SNX3: variants seen among roughly 807,000 people sequenced by gnomAD.
The protein encoded by SNX3 is sorting nexin 3, also known as sorting nexin-3.
A neutral mutation model predicts 17.7 loss-of-function variants in SNX3; 5 were observed. The observed-to-expected ratio is 0.28, with a 90% CI of 0.15 to 0.59. The LOEUF (loss-of-function observed/expected upper bound fraction) is 0.59. SNX3 is among the 20% of genes least tolerant of loss of function. The probability of loss-of-function intolerance (pLI) is 0.88; values close to 1 mark genes in which losing one functional copy is unlikely to be tolerated. For missense variants in SNX3, 132 were observed against 206.8 expected (o/e 0.64, Z 2.22); for synonymous variants, 91 against 76.5 (o/e 1.19, Z -0.99).
chr6:108,258,520 T>C (rs1194423118), intron 1 of SNX3, among the ~76,000 whole-genome samples: 2 of 152,000 alleles, frequency 1.3e-5, no homozygotes, highest in African/African-American at 4.8e-5. Flanking sequence ...CTTTTTTCTC[T>C]CTCTCCTGAG....
At chr6:108,246,683 A>G (rs900868328) in intron 1 of SNX3, among the ~76,000 whole-genome samples, 2 of 151,814 alleles carry the variant, frequency 1.3e-5, no homozygotes, top group Non-Finnish European at 2.9e-5. Context: ...GCCTGGGAAC[A>G]TAAATTCAGT....
At chr6:108,258,153 T>A (rs961575192) in intron 1 of SNX3, among the ~76,000 whole-genome samples, 12 of 151,824 alleles carry the variant, frequency 7.9e-5, no homozygotes, top group African/African-American at 2.9e-4. Flanking sequence ...GACTCATTAA[T>A]CGTTCTTAAA....
At chr6:108,259,222 C>T (rs1325847638) in intron 1 of SNX3, among the ~76,000 whole-genome samples, 1 of 152,066 alleles carries the variant, frequency 6.6e-6, no homozygotes. Context: ...ACAACATATC[C>T]TATGATTCAA....
At chr6:108,259,730 G>C (rs1017467397) in intron 1 of SNX3, among the ~76,000 whole-genome samples, 4 of 152,166 alleles carry the variant, frequency 2.6e-5, no homozygotes, top group Admixed American at 2.6e-4. Flanking sequence ...GGTTAGGATG[G>C]TAAATTTGAT....
chr6:108,227,014 G>A (rs1001894107), intron 1 of SNX3, among the ~76,000 whole-genome samples: 1 of 152,134 alleles, frequency 6.6e-6, no homozygotes, highest in South Asian at 2.1e-4. Context: ...TAAAGATGCT[G>A]GCTTGTTGTA....
At chr6:108,258,661 G>T (rs918620954) in intron 1 of SNX3, among the ~76,000 whole-genome samples, 1 of 151,652 alleles carries the variant, frequency 6.6e-6, no homozygotes, top group Non-Finnish European at 1.5e-5. Flanking sequence ...AGGGATGCGC[G>T]CCACCACGCC....
chr6:108,247,525 G>A (rs942097716), intron 1 of SNX3, among the ~76,000 whole-genome samples: 5 of 151,478 alleles, frequency 3.3e-5, no homozygotes, highest in Non-Finnish European at 7.4e-5. Context: ...ATGCCACCAT[G>A]CCCAGATAAT....
At chr6:108,230,430 T>C (rs1775108269) in intron 1 of SNX3, among the ~76,000 whole-genome samples, 1 of 152,294 alleles carries the variant, frequency 6.6e-6, no homozygotes, top group South Asian at 2.1e-4. Context: ...ACAAGAAATA[T>C]GTTATTTGTG....
At chr6:108,258,781 C>G (rs1252467413) in intron 1 of SNX3, among the ~76,000 whole-genome samples, 1 of 151,702 alleles carries the variant, frequency 6.6e-6, no homozygotes, top group Non-Finnish European at 1.5e-5. Flanking sequence ...AGTGCTGGGA[C>G]TAGAGGCATG....
intron 1 of SNX3, among the ~76,000 whole-genome samples, chr6:108,235,158 A>G (rs1253749500): frequency 6.6e-6 from 1 of 152,126 alleles, no homozygotes; most frequent in South Asian, 2.1e-4. Flanking sequence ...TTGATCAAAC[A>G]TTTGTGAATT....
At chr6:108,238,894 A>G (rs1582494831) in intron 1 of SNX3, among the ~76,000 whole-genome samples, 1 of 148,780 alleles carries the variant, frequency 6.7e-6, no homozygotes, top group Non-Finnish European at 1.5e-5. Flanking sequence ...AACTTGTGAC[A>G]CCTTTTCTTT....
At chr6:108,257,861 G>A (rs538145294) in intron 1 of SNX3, among the ~76,000 whole-genome samples, 5 of 152,232 alleles carry the variant, frequency 3.3e-5, no homozygotes, top group Admixed American at 6.5e-5. Flanking sequence ...CTACTTGGGC[G>A]GCTGAGGCAG....
At chr6:108,252,082 T>TAAA (rs1381655360) in intron 1 of SNX3, 5 of 103,306 alleles carry the variant, frequency 4.8e-5, no homozygotes, top group African/African-American at 3.0e-4. Context: ...AATAAATAAA[T>TAAA]AAAACAAACA....
chr6:108,214,472 C>G, intron 3 of SNX3, 26 bp downstream of exon 3: 1 of 1,609,318 alleles, frequency 6.2e-7, no homozygotes, highest in Non-Finnish European at 8.5e-7. Flanking sequence ...AGTAGTCCTA[C>G]ACTTTGAGGA....
chr6:108,212,299 T>C (rs764477390), intron 3 of SNX3, 45 bp from the exon 4 acceptor site: 17 of 1,321,454 alleles, frequency 1.3e-5, no homozygotes, highest in Non-Finnish European at 1.6e-5. Context: ...TTATACAAGG[T>C]GGGGGAGTTC....
chr6:108,258,553 C>T lies in SNX3; in HGVS notation c.162+2207G>A, dbSNP rs1010647752. Among the ~76,000 whole-genome samples, 8 of 152,064 alleles carry T rather than the reference C, an allele frequency of 5.3e-5. No homozygotes were observed. The East Asian group carries it at 7.7e-4, about 15-fold the overall frequency. The stretch of plus-strand genomic sequence containing the variant: ...GAGATAGGGTCTCATTCTGTTATGC[C>T]GGCTTGAGTAGAGTGGCCTCATCAT... On this transcript the variant is annotated intron_variant, in intron 1 of 3. Transcript: ENST00000230085.
At chr6:108,244,872 T>G (rs987020415) in intron 1 of SNX3, among the ~76,000 whole-genome samples, 1 of 151,990 alleles carries the variant, frequency 6.6e-6, no homozygotes, top group African/African-American at 2.4e-5. Flanking sequence ...ACTCCTGACC[T>G]CAAGTAATCC....
chr6:108,238,140 C>G (rs1197711720), intron 1 of SNX3, among the ~76,000 whole-genome samples: 2 of 145,302 alleles, frequency 1.4e-5, no homozygotes, highest in Non-Finnish European at 3.0e-5. Context: ...AAAGAATCAA[C>G]TATAATGGAT....
At chr6:108,227,110 TTCTC>T (rs1255475878) in intron 1 of SNX3, among the ~76,000 whole-genome samples, 2 of 152,210 alleles carry the variant, frequency 1.3e-5, no homozygotes, top group Non-Finnish European at 2.9e-5. Context: ...ACTGGATTAT[TTCTC>T]TCTAATTTCA....
Sources: allele counts gnomAD v4.1 joint callset (sites outside exome capture counted in the v4.1 genomes callset), GRCh38; gene constraint gnomAD v4.1.1; transcripts MANE v1.5; gene names NCBI Gene and HGNC (gene_info 2026-07-23, HGNC 2026-07-21).